Variants in NGEF observed in about 807,000 individuals in gnomAD.
NGEF encodes neuronal guanine nucleotide exchange factor, also known as ephexin-1.
NGEF carries 31 observed loss-of-function variants against 80.9 expected under a neutral mutation model. The observed-to-expected ratio is 0.38, with a 90% CI of 0.29 to 0.52. NGEF has a LOEUF of 0.52. NGEF is among the 20% of genes least tolerant of loss of function. The pLI is 0.84. For missense variants in NGEF, 709 were observed against 926.2 expected (o/e 0.77, Z 3.04); for synonymous variants, 371 against 370.2 (o/e 1.00, Z -0.03).
Position 232,905,900 on chromosome 2 carries a change from G to C in NGEF, c.829-10984C>G, listed in dbSNP as rs563592417. The C allele has an allele frequency of 2.4e-5, 4 of 169,476 alleles. No homozygotes were observed. The South Asian group carries it at 3.0e-4, about 13-fold the overall frequency. 10.5% of individuals were successfully genotyped at this position (169,476 alleles called of 1,614,324 possible). ...CCCCGTCCGGGAGGGAGGTGGGGGG[G>C]TCAGCCCCCCGCCCGGCCAGCCGCC... On this transcript the variant is annotated intron_variant, in intron 5 of 14. Coordinates refer to ENST00000264051, the MANE Select transcript of NGEF (RefSeq NM_019850.3).
chr2:232,981,532 C>A (rs925554624), intron 1 of NGEF, among the ~76,000 whole-genome samples: 3 of 152,114 alleles, frequency 2.0e-5, no homozygotes, highest in Admixed American at 6.6e-5. Flanking sequence ...GCAGGCCCTG[C>A]ACTGGATGGA....
In NGEF at chr2:232,946,545, C is replaced by T. The variant is rs1273199860; in HGVS notation, c.384-19359G>A. 5.9e-5 allele frequency among the ~76,000 whole-genome samples: 9 copies of T among 152,302 alleles called. No homozygotes were observed. The East Asian group carries it at 1.4e-3, about 23-fold the overall frequency. ...GAACTCACACGCACACATACATGGG[C>T]ACAATTTCCTAGCTCTGACTGCTGA... On this transcript the variant is annotated intron_variant, in intron 3 of 14. Transcript: ENST00000264051.
intron 3 of NGEF, among the ~76,000 whole-genome samples, chr2:232,953,766 A>G (rs1322945915): frequency 1.3e-5 from 2 of 152,104 alleles, no homozygotes; most frequent in African/African-American, 2.4e-5. Flanking sequence ...CCACAAAACT[A>G]AGGTCCAGGA....
chr2:232,929,088 G>A (rs1654180125), intron 3 of NGEF, among the ~76,000 whole-genome samples: 1 of 152,232 alleles, frequency 6.6e-6, no homozygotes, highest in South Asian at 2.1e-4. Flanking sequence ...GGCTCACCTG[G>A]GTGGGCCCTT....
chr2:232,945,911 A>G (rs1009629534), intron 3 of NGEF, among the ~76,000 whole-genome samples: 26 of 152,100 alleles, frequency 1.7e-4, no homozygotes, highest in Admixed American at 2.6e-4. Context: ...GTACGAAAAA[A>G]AATACTTGCA....
At chr2:232,885,844 G>A (rs1691661136) in intron 9 of NGEF, among the ~76,000 whole-genome samples, 1 of 152,226 alleles carries the variant, frequency 6.6e-6, no homozygotes, top group Non-Finnish European at 1.5e-5. Context: ...AGGCTCTCAG[G>A]GCACATAAAT....
chr2:232,939,996 T>TAA (rs36064060), intron 3 of NGEF, among the ~76,000 whole-genome samples: 1 of 143,432 alleles, frequency 7.0e-6, no homozygotes. Flanking sequence ...GACTCCATCT[T>TAA]AAAAAAAAAA....
In NGEF at chr2:232,883,973, C is replaced by T. The variant is rs567788771; in HGVS notation, c.1601+8G>A. On this transcript the variant is annotated splice_region_variant and intron_variant, in intron 11 of 14. Transcript: ENST00000264051. ...CCGGAGCGCCTGATGCCCTGGGCCCCGACTCACCCTGGAATCTGCCGGCAG... is the reference window on the plus strand; with the variant it reads ...CCGGAGCGCCTGATGCCCTGGGCCCTGACTCACCCTGGAATCTGCCGGCAG... The T allele has an allele frequency of 4.7e-5, 75 of 1,604,436 alleles. No homozygotes were observed. Among genetic ancestry groups the T allele is most frequent in the South Asian group, 2.6e-4 (23 of 88,818 alleles).
rs1447721266 is a variant in NGEF at position 232,970,348 on chromosome 2, G to A, written c.269-20C>T. 1 of 1,490,066 alleles carries A rather than the reference G, an allele frequency of 6.7e-7. No individual in the cohort carries two copies. The highest frequency in any genetic ancestry group is 9.3e-7 in the Non-Finnish European group (1 of 1,078,388). 92.3% of individuals were successfully genotyped at this position (1,490,066 alleles called of 1,614,324 possible). ...GTGAATCTGTGACAATTCAGAAATG[G>A]AGCAAGTTAGAAGATACAGATCAAC... On this transcript the variant is annotated intron_variant, in intron 2 of 14. Coordinates refer to ENST00000264051, the MANE Select transcript of NGEF (RefSeq NM_019850.3).
At chr2:232,988,066 TGTGTGTGTGTGTGTGTGA>T (rs1694571750) in intron 1 of NGEF, among the ~76,000 whole-genome samples, 1 of 150,884 alleles carries the variant, frequency 6.6e-6, no homozygotes. Flanking sequence ...TGTGTGTGTG[TGTGTGTGTGTGTGTGTGA>T]GTGACAATCT....
rs546213071 is a variant in NGEF at position 232,923,501 on chromosome 2, C to T, written c.527-2916G>A. Among the ~76,000 whole-genome samples the T allele has an allele frequency of 4.0e-5, 6 of 151,024 alleles. No individual in the cohort carries two copies. In the South Asian group the frequency reaches 8.4e-4, roughly 21 times the overall value. On this transcript the variant is annotated intron_variant, in intron 4 of 14. Coordinates refer to ENST00000264051, the MANE Select transcript of NGEF (RefSeq NM_019850.3). Reference sequence around the variant, plus strand: ...CTGTAATCCCAGCACTTTGGGAGGCCGAGGCAGGCAGATCACTTGAGGTCA... The same window carrying T: ...CTGTAATCCCAGCACTTTGGGAGGCTGAGGCAGGCAGATCACTTGAGGTCA...
intron 1 of NGEF, among the ~76,000 whole-genome samples, chr2:232,983,757 A>G (rs1486154698): frequency 6.6e-6 from 1 of 152,168 alleles, no homozygotes; most frequent in Non-Finnish European, 1.5e-5. Flanking sequence ...TATGAATTAC[A>G]GGAACAACTC....
intron 3 of NGEF, among the ~76,000 whole-genome samples, chr2:232,962,772 A>C (rs58663434): frequency 0.2 from 30,172 of 151,932 alleles, 3,597 homozygotes; most frequent in East Asian, 0.38. Flanking sequence ...GAATTAATTT[A>C]AAGAATATCT....
intron 2 of NGEF, 78 bp downstream of exon 2, chr2:232,974,545 T>C (rs1694251603): frequency 1.3e-6 from 2 of 1,488,708 alleles, no homozygotes; most frequent in South Asian, 2.6e-5. Context: ...TCCTTTCTCA[T>C]TTAATGAGGA....
intron 3 of NGEF, among the ~76,000 whole-genome samples, chr2:232,960,858 A>C (rs1017975465): frequency 6.6e-6 from 1 of 151,564 alleles, no homozygotes; most frequent in Admixed American, 6.6e-5. Flanking sequence ...AGCCTGGACA[A>C]CAAGAGCAAA....
chr2:232,928,022 C>CG (rs1265260604), intron 3 of NGEF: 1 of 790,814 alleles, frequency 1.3e-6, no homozygotes, highest in East Asian at 6.9e-5. Context: ...GGGGCGGGTG[C>CG]GGGGGCCGGG....
chr2:232,882,047 C>A, intron 13 of NGEF, 139 bp downstream of exon 13: 1 of 699,124 alleles, frequency 1.4e-6, no homozygotes. Flanking sequence ...TAGGAAGCAG[C>A]CCCTGGAGGC....
chr2:232,940,932 A>G (rs553129857), intron 3 of NGEF, among the ~76,000 whole-genome samples: 186 of 152,370 alleles, frequency 1.2e-3, no homozygotes, highest in African/African-American at 4.2e-3. Flanking sequence ...AGACAGAGCC[A>G]ATTCCTCAAG....
chr2:232,900,190 A>G (rs1182876427), intron 5 of NGEF, among the ~76,000 whole-genome samples: 67 of 137,424 alleles, frequency 4.9e-4, no homozygotes, highest in Non-Finnish European at 7.3e-4. Flanking sequence ...ATTCACACAC[A>G]CGCTCTCACA....
Sources: gnomAD v4.1 joint callset for allele counts (sites outside exome capture counted in the v4.1 genomes callset) on GRCh38, gnomAD v4.1.1 for gene constraint, MANE v1.5 for transcripts, NCBI Gene and HGNC (gene_info 2026-07-23, HGNC 2026-07-21) for gene names.